PDE10A: variants seen among roughly 807,000 people sequenced by gnomAD.
PDE10A encodes phosphodiesterase 10A, also known as cAMP and cAMP-inhibited cGMP 3',5'-cyclic phosphodiesterase 10A.
Under a neutral mutation model 97.7 loss-of-function variants are expected in PDE10A, and 39 were observed. The observed-to-expected ratio is 0.40, with a 90% CI of 0.31 to 0.52. PDE10A has a LOEUF of 0.52. Among genes scored for constraint, PDE10A ranks in the 20% least tolerant of loss-of-function variants. The pLI, the probability that PDE10A is intolerant of heterozygous loss-of-function variation, is 0.56. For synonymous variants in PDE10A, 371 were observed against 376.8 expected, an observed-to-expected ratio of 0.98 and a Z score of 0.18; for missense variants, 731 against 1,047.8, an observed-to-expected ratio of 0.70 and a Z score of 4.17.
intron 2 of PDE10A, among the ~76,000 whole-genome samples, chr6:165,534,090 C>T (rs1488175157): frequency 1.3e-5 from 2 of 151,770 alleles, no homozygotes; most frequent in East Asian, 3.9e-4. Flanking sequence ...CAAACAAAAC[C>T]AGATATGACA....
Position 165,396,470 on chromosome 6 carries a change from A to C in PDE10A, c.2077-11T>G. 1 of 1,584,324 alleles carries C rather than the reference A, an allele frequency of 6.3e-7. No individual in the cohort carries two copies. The highest frequency in any genetic ancestry group is 8.5e-7 in the Non-Finnish European group (1 of 1,170,558). On this transcript the variant is annotated splice_polypyrimidine_tract_variant and intron_variant, in intron 13 of 21. Transcript: ENST00000539869. ...AATTCTATGATACATCTAGAAGGCA[A>C]ATCCAAAAAAAAAACCCCCAAAATT...
intron 1 of PDE10A, among the ~76,000 whole-genome samples, chr6:165,798,268 T>C (rs917887928): frequency 6.6e-6 from 1 of 152,316 alleles, no homozygotes; most frequent in Middle Eastern, 3.4e-3. Context: ...TGAATACAGG[T>C]AAATTTTGTA....
intron 2 of PDE10A, among the ~76,000 whole-genome samples, chr6:165,498,098 C>A (rs1455535003): frequency 6.6e-6 from 1 of 151,686 alleles, no homozygotes; most frequent in East Asian, 1.9e-4. Context: ...ATGAGAAGTC[C>A]AAAGCTTTCT....
intron 19 of PDE10A, 145 bp downstream of exon 19, chr6:165,343,240 TATCTGC>T: frequency 1.6e-6 from 1 of 631,004 alleles, no homozygotes; most frequent in Admixed American, 2.6e-5. Context: ...TCTCTCTTTG[TATCTGC>T]ATAAGTGCTA....
chr6:165,696,303 G>A (rs1403894863), intron 1 of PDE10A, among the ~76,000 whole-genome samples: 1 of 152,034 alleles, frequency 6.6e-6, no homozygotes, highest in African/African-American at 2.4e-5. Context: ...TGAAAATACC[G>A]AATGAAAAAT....
intron 1 of PDE10A, among the ~76,000 whole-genome samples, chr6:165,950,965 A>T (rs1783937649): frequency 6.6e-6 from 1 of 152,370 alleles, no homozygotes; most frequent in South Asian, 2.1e-4. Flanking sequence ...TTCTTTGGAC[A>T]TTATTCTTTC....
chr6:165,340,570 A>G (rs1781913233), intron 19 of PDE10A, among the ~76,000 whole-genome samples: 1 of 152,248 alleles, frequency 6.6e-6, no homozygotes, highest in Admixed American at 6.5e-5. Context: ...GCTCTCAAAG[A>G]CTTGACAAGT....
intron 1 of PDE10A, among the ~76,000 whole-genome samples, chr6:165,676,843 C>T (rs766984638): frequency 1.3e-5 from 2 of 152,172 alleles, no homozygotes; most frequent in South Asian, 2.1e-4. Context: ...TCCTGCCTGT[C>T]GGCATGGACT....
rs182448879 is a variant in PDE10A at position 165,344,436 on chromosome 6, C to A, written c.2784-934G>T. ...AGTGTGTAATGAGTGAGACGATGCT[C>A]TTACTTCTAGCTCCTATCTCAATTC... On this transcript the variant is annotated intron_variant, in intron 18 of 21. Transcript: ENST00000539869. Among the ~76,000 whole-genome samples the A allele has an allele frequency of 2.0e-5, 3 of 152,286 alleles. No homozygotes were observed. The South Asian group carries it at 6.2e-4, about 32-fold the overall frequency.
chr6:165,442,243 T>A (rs1790524654), intron 5 of PDE10A, among the ~76,000 whole-genome samples: 1 of 152,144 alleles, frequency 6.6e-6, no homozygotes, highest in African/African-American at 2.4e-5. Flanking sequence ...GCTGCACCCA[T>A]CAACTCGTCA....
intron 1 of PDE10A, among the ~76,000 whole-genome samples, chr6:165,770,387 CTA>C (rs1777972549): frequency 6.6e-6 from 1 of 152,112 alleles, no homozygotes; most frequent in South Asian, 2.1e-4. Flanking sequence ...TAAATGGAAA[CTA>C]AAAATCTCCC....
intron 20 of PDE10A, among the ~76,000 whole-genome samples, chr6:165,336,755 CAAAAAAA>C (rs776243789): frequency 2.0e-5 from 1 of 50,480 alleles, no homozygotes; most frequent in African/African-American, 7.0e-5. Flanking sequence ...GACTCCGTCT[CAAAAAAA>C]AAAAAAAAAA....
At chr6:165,617,400 A>G (rs894980734) in intron 1 of PDE10A, among the ~76,000 whole-genome samples, 3 of 152,228 alleles carry the variant, frequency 2.0e-5, no homozygotes, top group Non-Finnish European at 4.4e-5. Flanking sequence ...GCTGGAGTGC[A>G]GTGGCGGGAT....
At chr6:165,913,273 T>TAC (rs58740333) in intron 1 of PDE10A, among the ~76,000 whole-genome samples, 6,024 of 147,952 alleles carry the variant, frequency 0.041, 190 homozygotes, top group African/African-American at 0.067. Context: ...ACTCAACTTG[T>TAC]ACACACACAC....
At chr6:165,459,774 T>C (rs899218907) in intron 3 of PDE10A, among the ~76,000 whole-genome samples, 1 of 152,108 alleles carries the variant, frequency 6.6e-6, no homozygotes, top group South Asian at 2.1e-4. Context: ...GCTACTCTGC[T>C]AGCACAGGCA....
chr6:165,960,342 A>C lies in PDE10A; in HGVS notation c.-615+27187T>G, dbSNP rs1784318654. On this transcript the variant is annotated intron_variant, in intron 1 of 19. Transcript: ENST00000366882. ...CAAAGAACACCCGGTAAAGACGTGGAAAAAGCTTGAAGACATGCAGAAGCA... is the reference window on the plus strand; with the variant it reads ...CAAAGAACACCCGGTAAAGACGTGGCAAAAGCTTGAAGACATGCAGAAGCA... 3.9e-5 allele frequency among the ~76,000 whole-genome samples: 6 copies of C among 152,346 alleles called. No homozygotes were observed. The South Asian group carries it at 1.2e-3, about 32-fold the overall frequency.
At chr6:165,455,697 C>A (rs1022293663) in intron 3 of PDE10A, among the ~76,000 whole-genome samples, 1 of 152,308 alleles carries the variant, frequency 6.6e-6, no homozygotes, top group Admixed American at 6.5e-5. Flanking sequence ...AGGTCTGCTG[C>A]CTTCCTGGGC....
intron 2 of PDE10A, among the ~76,000 whole-genome samples, chr6:165,513,984 C>G (rs1265808123): frequency 1.3e-5 from 2 of 152,188 alleles, no homozygotes; most frequent in African/African-American, 4.8e-5. Flanking sequence ...ATCTGGATCC[C>G]CTTCTCTTTT....
At chr6:165,923,949 G>A (rs1782839603) in intron 1 of PDE10A, among the ~76,000 whole-genome samples, 1 of 152,176 alleles carries the variant, frequency 6.6e-6, no homozygotes, top group Non-Finnish European at 1.5e-5. Flanking sequence ...GGGAAACAAA[G>A]GCAGGAGGAT....
Sources: allele counts gnomAD v4.1 joint callset (sites outside exome capture counted in the v4.1 genomes callset), GRCh38; gene constraint gnomAD v4.1.1; transcripts MANE v1.5; gene names NCBI Gene and HGNC (gene_info 2026-07-23, HGNC 2026-07-21).